Variants in LRRC3B observed in about 807,000 individuals in gnomAD.
LRRC3B encodes the protein leucine-rich repeat-containing protein 3B.
In LRRC3B, 2 loss-of-function variants were observed where a neutral mutation model predicts 12.8. The ratio of observed to expected loss-of-function variants is 0.16; its 90% CI spans 0.06 to 0.49. The LOEUF (loss-of-function observed/expected upper bound fraction) is 0.49, where lower values mean the gene tolerates loss of function less well. Among genes scored for constraint, LRRC3B ranks in the 20% least tolerant of loss-of-function variants. The pLI, the probability that LRRC3B is intolerant of heterozygous loss-of-function variation, is 0.96. For missense variants in LRRC3B, 189 were observed against 319.4 expected (o/e 0.59, Z 3.11); for synonymous variants, 132 against 122.0 (o/e 1.08, Z -0.54).
chr3:26,677,676 A>G (rs1429105743), intron 1 of LRRC3B, among the ~76,000 whole-genome samples: 1 of 152,240 alleles, frequency 6.6e-6, no homozygotes, highest in Non-Finnish European at 1.5e-5. Context: ...GTATACATAT[A>G]ACACATTCTT....
At chr3:26,650,460 C>T (rs1248011737) in intron 1 of LRRC3B, among the ~76,000 whole-genome samples, 1 of 152,144 alleles carries the variant, frequency 6.6e-6, no homozygotes, top group East Asian at 1.9e-4. Context: ...AAAGGGGTCA[C>T]ACAGCTCCCC....
At chr3:26,705,153 C>G (rs1379004097) in intron 1 of LRRC3B, among the ~76,000 whole-genome samples, 3 of 152,164 alleles carry the variant, frequency 2.0e-5, no homozygotes, top group Non-Finnish European at 1.5e-5. Context: ...CCTGTCTTCT[C>G]AGTGAATGAA....
At chr3:26,678,664 A>G (rs191016732) in intron 1 of LRRC3B, among the ~76,000 whole-genome samples, 7 of 152,332 alleles carry the variant, frequency 4.6e-5, no homozygotes, top group Admixed American at 4.6e-4. Context: ...ACTCTGAAAG[A>G]AGGATTGGAA....
chr3:26,669,806 C>A (rs746716767), intron 1 of LRRC3B, among the ~76,000 whole-genome samples: 1 of 152,150 alleles, frequency 6.6e-6, no homozygotes, highest in African/African-American at 2.4e-5. Flanking sequence ...CTAACAGATA[C>A]CCCTCACAGG....
At chr3:26,699,748 G>A (rs549195835) in intron 1 of LRRC3B, among the ~76,000 whole-genome samples, 117 of 152,268 alleles carry the variant, frequency 7.7e-4, no homozygotes, top group African/African-American at 2.6e-3. Flanking sequence ...AAGCTCTCAC[G>A]TTGTAAATGT....
chr3:26,657,806 T>TG (rs1699406644), intron 1 of LRRC3B, among the ~76,000 whole-genome samples: 1 of 152,208 alleles, frequency 6.6e-6, no homozygotes, highest in Non-Finnish European at 1.5e-5. Context: ...CACCCAACTA[T>TG]GAATCGACGG....
chr3:26,685,733 C>A (rs536657079), intron 1 of LRRC3B, among the ~76,000 whole-genome samples: 1 of 151,300 alleles, frequency 6.6e-6, no homozygotes, highest in Admixed American at 6.6e-5. Context: ...TACAATAATT[C>A]AGAAAGATCT....
At chr3:26,655,982 T>G (rs1575132420) in intron 1 of LRRC3B, among the ~76,000 whole-genome samples, 1 of 152,288 alleles carries the variant, frequency 6.6e-6, no homozygotes, top group South Asian at 2.1e-4. Context: ...GTGCCGGACT[T>G]CAGACTAAGG....
chr3:26,698,420 A>AGAT (rs1019876376), intron 1 of LRRC3B, among the ~76,000 whole-genome samples: 2 of 152,130 alleles, frequency 1.3e-5, no homozygotes, highest in Non-Finnish European at 2.9e-5. Flanking sequence ...GGAGTTCATG[A>AGAT]GATGCAATTG....
intron 1 of LRRC3B, among the ~76,000 whole-genome samples, chr3:26,676,037 A>G (rs1270431252): frequency 6.6e-6 from 1 of 150,862 alleles, no homozygotes; most frequent in Non-Finnish European, 1.5e-5. Flanking sequence ...AGTGTTGGCC[A>G]GTTACTTCAA....
intron 1 of LRRC3B, among the ~76,000 whole-genome samples, chr3:26,667,258 T>G (rs1699625432): frequency 6.6e-6 from 1 of 152,148 alleles, no homozygotes; most frequent in African/African-American, 2.4e-5. Flanking sequence ...CTAACTGGAC[T>G]TAGTGCATTA....
At chr3:26,692,588 A>C (rs559972734) in intron 1 of LRRC3B, among the ~76,000 whole-genome samples, 1 of 152,264 alleles carries the variant, frequency 6.6e-6, no homozygotes, top group African/African-American at 2.4e-5. Context: ...GCAATTACAA[A>C]ATTTTAAAAT....
At chr3:26,667,704 A>T (rs142551535) in intron 1 of LRRC3B, among the ~76,000 whole-genome samples, 18 of 152,276 alleles carry the variant, frequency 1.2e-4, no homozygotes, top group African/African-American at 3.8e-4. Flanking sequence ...TTTATATCTC[A>T]TTGGACAAAA....
intron 1 of LRRC3B, among the ~76,000 whole-genome samples, chr3:26,678,868 T>C (rs2125439702): frequency 6.6e-6 from 1 of 152,264 alleles, no homozygotes; most frequent in East Asian, 1.9e-4. Context: ...ATGGGAAAGA[T>C]GTGTACCTTT....
At chr3:26,647,128 A>G (rs79649172) in intron 1 of LRRC3B, among the ~76,000 whole-genome samples, 4,902 of 151,932 alleles carry the variant, frequency 0.032, 122 homozygotes, top group South Asian at 0.049. Flanking sequence ...TACTTGATGC[A>G]TTCCTCCCTC....
chr3:26,703,202 C>T (rs2125460876), intron 1 of LRRC3B, among the ~76,000 whole-genome samples: 1 of 152,236 alleles, frequency 6.6e-6, no homozygotes, highest in South Asian at 2.1e-4. Flanking sequence ...ATGCAACCCA[C>T]ACTTATTTTA....
Position 26,636,982 on chromosome 3 carries a change from C to CTT in LRRC3B, c.-161+13746_-161+13747insTT, listed in dbSNP as rs201754335. Among the ~76,000 whole-genome samples, 72 of 121,294 alleles carry CTT rather than the reference C, an allele frequency of 5.9e-4. 6 individuals carry two copies. Among genetic ancestry groups the CTT allele is most frequent in the African/African-American group, 2.4e-3 (65 of 27,374 alleles). The allele number at this position is 121,294 out of a possible 152,430, so 79.6% of individuals were successfully genotyped here. A position where few individuals can be genotyped will look rare whatever the true frequency, so the allele number is the denominator to read the frequency against. On this transcript the variant is annotated intron_variant, in intron 1 of 1. Coordinates refer to ENST00000396641, the Ensembl canonical transcript of LRRC3B. ...TCTTTCTTTCTTTCTTTCTCTCTCT[C>CTT]TCTTTCTCTCTTTCTCTCTTTCTTT... is the stretch of plus-strand genomic sequence containing the variant.
At chr3:26,694,269 TAAG>T (rs1206512144) in intron 1 of LRRC3B, among the ~76,000 whole-genome samples, 2 of 152,308 alleles carry the variant, frequency 1.3e-5, no homozygotes, top group South Asian at 2.1e-4. Flanking sequence ...ACTATAAAAA[TAAG>T]AAGACCTGGG....
At chr3:26,632,341 T>G (rs1698774226) in intron 1 of LRRC3B, among the ~76,000 whole-genome samples, 1 of 152,148 alleles carries the variant, frequency 6.6e-6, no homozygotes. Flanking sequence ...TATAAGAGGA[T>G]TACATCCTTA....
Sources: gnomAD v4.1 joint callset for allele counts (sites outside exome capture counted in the v4.1 genomes callset) on GRCh38, gnomAD v4.1.1 for gene constraint, MANE v1.5 for transcripts, NCBI Gene and HGNC (gene_info 2026-07-23, HGNC 2026-07-21) for gene names.